ZBTB24: variants seen among roughly 807,000 people sequenced by gnomAD.
ZBTB24 encodes zinc finger and BTB domain-containing protein 24.
ZBTB24 carries 32 observed loss-of-function variants against 53.8 expected under a neutral mutation model. That is an observed-to-expected ratio of 0.60 (90% confidence interval 0.45 to 0.80). The LOEUF (loss-of-function observed/expected upper bound fraction) is 0.80. ZBTB24 is among the 30% of genes least tolerant of loss of function. The pLI is 0.00. For missense variants in ZBTB24, 722 were observed against 837.1 expected, an observed-to-expected ratio of 0.86 and a Z score of 1.70; for synonymous variants, 297 against 306.7, an observed-to-expected ratio of 0.97 and a Z score of 0.33.
rs1180670576 is a variant in ZBTB24 at position 109,464,420 on chromosome 6, AG to A, written c.*1430del. On this transcript the variant is annotated 3_prime_UTR_variant, in exon 7 of 7. Coordinates refer to ENST00000230122, the MANE Select transcript of ZBTB24 (RefSeq NM_014797.3). ...GGAAAGGCTCTATTAATTTTAGAGT[AG>A]ATTACCCCCTACTCCCCATCAGCAT... The A allele has an allele frequency of 6.6e-6, 1 of 152,220 alleles. No individual in the cohort carries two copies. Among genetic ancestry groups the A allele is most frequent in the Non-Finnish European group, 1.5e-5 (1 of 68,030 alleles). 9.4% of individuals were successfully genotyped at this position (152,220 alleles called of 1,614,324 possible). A position where few individuals can be genotyped will look rare whatever the true frequency, so the allele number is the denominator to read the frequency against.
intron 6 of ZBTB24, 118 bp from the exon 7 acceptor site, chr6:109,466,692 C>CA: frequency 7.4e-7 from 1 of 1,352,660 alleles, no homozygotes; most frequent in East Asian, 2.5e-5. Context: ...AGTCATAAGT[C>CA]ATGGGTTCAC....
Position 109,481,811 on chromosome 6 carries a change from G to T in ZBTB24, c.216C>A (p.Ile72=). ...CTTCCAGCATATAAATGGATTGGCC[G>T]ATTTCCCCCTCTTCTGCAAACATCA... ...FSMMFAEEGE[I]GQSIYMLEGM... is the part of the protein sequence containing the mutation. Residue 72 remains isoleucine, a synonymous_variant, in exon 2 of 7, where the codon ATC becomes ATA. Transcript: ENST00000230122. The T allele has an allele frequency of 6.2e-7, 1 of 1,614,204 alleles. No individual in the cohort carries two copies.
chr6:109,474,125 A>G (rs1230316286), intron 5 of ZBTB24, among the ~76,000 whole-genome samples: 2 of 151,708 alleles, frequency 1.3e-5, no homozygotes, highest in Admixed American at 6.6e-5. Context: ...CCATAAATCA[A>G]TTTGCTATTT....
chr6:109,474,471 G>A (rs1415284996), intron 5 of ZBTB24, among the ~76,000 whole-genome samples: 3 of 152,094 alleles, frequency 2.0e-5, no homozygotes, highest in African/African-American at 4.8e-5. Flanking sequence ...AGTGGCTCAC[G>A]CCTGTAATCC....
intron 5 of ZBTB24, among the ~76,000 whole-genome samples, chr6:109,468,690 A>G (rs1285957942): frequency 6.6e-6 from 1 of 152,184 alleles, no homozygotes; most frequent in Non-Finnish European, 1.5e-5. Flanking sequence ...GTCTGCTCCT[A>G]GTACCCCAGT....
At chr6:109,479,513 G>A (rs1231164638) in intron 2 of ZBTB24, among the ~76,000 whole-genome samples, 1 of 152,214 alleles carries the variant, frequency 6.6e-6, no homozygotes, top group Non-Finnish European at 1.5e-5. Flanking sequence ...TTGAACCATT[G>A]TGAGTCGGGG....
intron 5 of ZBTB24, among the ~76,000 whole-genome samples, chr6:109,474,528 C>T (rs765910697): frequency 2.9e-4 from 44 of 152,068 alleles, no homozygotes; most frequent in Non-Finnish European, 4.7e-4. Context: ...GTCAAGAGAT[C>T]GAGACCATCC....
chr6:109,481,434 A>T lies in ZBTB24; in HGVS notation c.593T>A (p.Phe198Tyr). 6.2e-7 allele frequency: 1 copy of T among 1,614,018 alleles called. No homozygotes were observed. The highest frequency in any genetic ancestry group is 8.5e-7 in the Non-Finnish European group (1 of 1,179,994). Residue 198 changes from phenylalanine to tyrosine, a missense_variant, in exon 2 of 7, where the codon TTT becomes TAT. Physicochemically the swap from Phe to Tyr is conservative, Grantham distance 22. Transcript: ENST00000230122. Reference sequence around the variant, plus strand: ...TACACCACTGTCTCCTTTAACCACAAAGTTTTGTCTATTCTGAACTGAATT... The same window carrying T: ...TACACCACTGTCTCCTTTAACCACATAGTTTTGTCTATTCTGAACTGAATT... ...VNNSVQNRQN[F>Y]VVKGDSGVLN...
At chr6:109,475,314 C>A (rs1348042833) in intron 5 of ZBTB24, 85 bp downstream of exon 5, 1 of 1,492,566 alleles carries the variant, frequency 6.7e-7, no homozygotes, top group South Asian at 1.1e-5. Flanking sequence ...CAAACACAGG[C>A]TTAGCAGGGC....
At chr6:109,471,978 C>CG (rs1776176641) in intron 5 of ZBTB24, among the ~76,000 whole-genome samples, 2 of 152,084 alleles carry the variant, frequency 1.3e-5, no homozygotes, top group Non-Finnish European at 2.9e-5. Context: ...GGATGCACTC[C>CG]TAGGAAAGGG....
intron 5 of ZBTB24, among the ~76,000 whole-genome samples, chr6:109,468,456 AG>A (rs1776100464): frequency 6.6e-6 from 1 of 151,926 alleles, no homozygotes; most frequent in South Asian, 2.1e-4. Flanking sequence ...ATCTCATCTC[AG>A]GGTGTCTCCC....
chr6:109,471,217 G>GAC (rs1562301054), intron 5 of ZBTB24, among the ~76,000 whole-genome samples: 1 of 152,230 alleles, frequency 6.6e-6, no homozygotes. Flanking sequence ...AGCATGGTTT[G>GAC]ACACCTGTGT....
intron 5 of ZBTB24, among the ~76,000 whole-genome samples, chr6:109,471,199 CTG>C (rs1776158290): frequency 6.6e-6 from 1 of 152,232 alleles, no homozygotes; most frequent in Admixed American, 6.5e-5. Context: ...TCCATGATAA[CTG>C]TGGATAGCAT....
intron 4 of ZBTB24, 47 bp from the exon 5 acceptor site, chr6:109,475,529 G>C: frequency 6.3e-7 from 1 of 1,597,990 alleles, no homozygotes; most frequent in Non-Finnish European, 8.6e-7. Context: ...TGCTCTCCCT[G>C]CCTTTTCTTC....
chr6:109,475,535 T>C (rs1472395872), intron 4 of ZBTB24, 53 bp from the exon 5 acceptor site: 2 of 1,594,004 alleles, frequency 1.3e-6, no homozygotes, highest in Admixed American at 1.7e-5. Context: ...CCCTGCCTTT[T>C]CTTCAGTGAT....
At chr6:109,479,205 C>A (rs1290015426) in intron 2 of ZBTB24, among the ~76,000 whole-genome samples, 1 of 152,148 alleles carries the variant, frequency 6.6e-6, no homozygotes, top group East Asian at 1.9e-4. Context: ...GAAAACAGAC[C>A]CATACTAAAG....
chr6:109,476,875 C>T lies in ZBTB24; in HGVS notation c.1008G>A (p.Ser336=), dbSNP rs1258590264. 8.1e-6 allele frequency: 13 copies of T among 1,614,000 alleles called. No homozygotes were observed. The highest frequency in any genetic ancestry group is 5.5e-5 in the South Asian group (5 of 91,068). ...TGTGCATCCTGGTGTGGACCTGTAGCGAGTGCTTCTGGGCAAAGCCTTTTC... is the reference window on the plus strand; with the variant it reads ...TGTGCATCCTGGTGTGGACCTGTAGTGAGTGCTTCTGGGCAAAGCCTTTTC... ...ECGKGFAQKH[S]LQVHTRMHTG... The change falls in exon 3 of 7, where the codon TCG becomes TCA. Residue 336 remains serine (S), a synonymous_variant. Coordinates refer to ENST00000230122, the MANE Select transcript of ZBTB24 (RefSeq NM_014797.3).
intron 5 of ZBTB24, among the ~76,000 whole-genome samples, chr6:109,472,045 G>A (rs1320887616): frequency 6.6e-6 from 1 of 152,172 alleles, no homozygotes; most frequent in African/African-American, 2.4e-5. Flanking sequence ...ATCTAACCCA[G>A]AGAGTTTGTG....
At chr6:109,476,646 C>T in intron 3 of ZBTB24, 117 bp downstream of exon 3, 2 of 1,406,990 alleles carry the variant, frequency 1.4e-6, no homozygotes, top group Non-Finnish European at 1.9e-6. Context: ...TCCTGTCTTT[C>T]AATGACACCA....
Sources: gnomAD v4.1 joint callset for allele counts (sites outside exome capture counted in the v4.1 genomes callset) on GRCh38, gnomAD v4.1.1 for gene constraint, MANE v1.5 for transcripts, NCBI Gene and HGNC (gene_info 2026-07-23, HGNC 2026-07-21) for gene names.